Variants in PLD5 observed in about 807,000 individuals in gnomAD.
PLD5 encodes inactive phospholipase D5.
Under a neutral mutation model 61.1 loss-of-function variants are expected in PLD5, and 36 were observed. That is an observed-to-expected ratio of 0.59 (90% CI 0.45 to 0.78). PLD5 has a LOEUF of 0.78. Ranked by LOEUF, PLD5 falls within the 30% of genes least tolerant of loss-of-function variation. PLD5 has a pLI of 0.00. For missense variants in PLD5, 515 were observed against 644.4 expected, an observed-to-expected ratio of 0.80 and a Z score of 2.17; for synonymous variants, 243 against 242.8, an observed-to-expected ratio of 1.00 and a Z score of -0.01.
intron 2 of PLD5, among the ~76,000 whole-genome samples, chr1:242,301,765 C>CTATTATTATTATT (rs113800799): frequency 7.1e-6 from 1 of 141,034 alleles, no homozygotes; most frequent in African/African-American, 2.7e-5. Context: ...TTTTTTAAAA[C>CTATTATTATTATT]ATTATTATTA....
chr1:242,094,143 C>T (rs1335594565), intron 9 of PLD5, among the ~76,000 whole-genome samples: 1 of 151,618 alleles, frequency 6.6e-6, no homozygotes, highest in Non-Finnish European at 1.5e-5. Flanking sequence ...TTGAGACTAC[C>T]ACTGCAGCTT....
chr1:242,470,796 A>C (rs966518013), intron 1 of PLD5, among the ~76,000 whole-genome samples: 4 of 152,212 alleles, frequency 2.6e-5, no homozygotes. Flanking sequence ...AACGAGTAAA[A>C]ACTTATCTTC....
In PLD5 at chr1:242,167,106, TAA is replaced by T. The variant is rs1295721678; in HGVS notation, c.736-42443_736-42442del. On this transcript the variant is annotated intron_variant, in intron 5 of 9. Coordinates refer to ENST00000536534, the MANE Select transcript of PLD5 (RefSeq NM_001372062.1). ...ATAATAATAATAATAATAATAATAA[TAA>T]TAATAATAAATAGTAGCCATGTTGG... 1.9e-4 allele frequency among the ~76,000 whole-genome samples: 28 copies of T among 143,660 alleles called. No homozygotes were observed. In the South Asian group the frequency reaches 6.1e-3, roughly 32 times the overall value. 94.2% of individuals were successfully genotyped at this position (143,660 alleles called of 152,430 possible). A position where few individuals can be genotyped will look rare whatever the true frequency, so the allele number is the denominator to read the frequency against.
intron 5 of PLD5, among the ~76,000 whole-genome samples, chr1:242,209,540 G>C (rs1469127341): frequency 6.6e-6 from 1 of 152,098 alleles, no homozygotes; most frequent in African/African-American, 2.4e-5. Context: ...ATCTGTTATG[G>C]TGATCTGTGA....
intron 1 of PLD5, among the ~76,000 whole-genome samples, chr1:242,512,206 T>C (rs560932227): frequency 8.7e-5 from 13 of 150,242 alleles, no homozygotes; most frequent in Non-Finnish European, 1.6e-4. Context: ...GGTCAGGAGA[T>C]CGAGACCATC....
At chr1:242,484,644 G>T (rs921747022) in intron 1 of PLD5, among the ~76,000 whole-genome samples, 1 of 152,136 alleles carries the variant, frequency 6.6e-6, no homozygotes, top group African/African-American at 2.4e-5. Flanking sequence ...GGAGGAGCTG[G>T]TACCATTCCT....
upstream of PLD5, among the ~76,000 whole-genome samples, chr1:242,526,824 G>A (rs552849213): frequency 1.3e-5 from 2 of 149,704 alleles, no homozygotes; most frequent in African/African-American, 2.5e-5. Flanking sequence ...CAATTTAAAT[G>A]ACGACAAACA....
intron 1 of PLD5, among the ~76,000 whole-genome samples, chr1:242,425,491 CAGTG>C (rs1353932267): frequency 5.3e-5 from 8 of 152,208 alleles, no homozygotes; most frequent in Non-Finnish European, 1.2e-4. Context: ...CTGGGTGAGT[CAGTG>C]AGTGAGAGTG....
At chr1:242,425,639 CTTTT>C (rs35709516) in intron 1 of PLD5, among the ~76,000 whole-genome samples, 1 of 129,892 alleles carries the variant, frequency 7.7e-6, no homozygotes, top group African/African-American at 2.9e-5. Context: ...CTTACTGTAA[CTTTT>C]TTTTTTTTTT....
chr1:242,374,710 T>C lies in PLD5; in HGVS notation c.190-26468A>G, dbSNP rs1227293559. Among the ~76,000 whole-genome samples, 4 of 152,328 alleles carry C rather than the reference T, an allele frequency of 2.6e-5. No individual in the cohort carries two copies. In the East Asian group the frequency reaches 7.7e-4, roughly 29 times the overall value. On this transcript the variant is annotated intron_variant, in intron 1 of 9. Transcript: ENST00000536534. ...TTACACAGAGAGGCCAAGAAGAATC[T>C]AGACAGACAAGCCTTGCTGGGTTTC... is the stretch of plus-strand genomic sequence containing the variant.
intron 5 of PLD5, among the ~76,000 whole-genome samples, chr1:242,216,798 T>C (rs555699912): frequency 6.6e-6 from 1 of 152,322 alleles, no homozygotes; most frequent in East Asian, 1.9e-4. Context: ...CCACACACTT[T>C]CATAGCTAGA....
intron 1 of PLD5, among the ~76,000 whole-genome samples, chr1:242,434,341 G>C (rs1000047255): frequency 7.2e-5 from 11 of 152,226 alleles, no homozygotes; most frequent in Admixed American, 1.3e-4. Flanking sequence ...CTACTGAAAA[G>C]AGAGAGTTGT....
chr1:242,524,316 G>C lies in PLD5; in HGVS notation c.-40C>G, dbSNP rs1335573369. 1.5e-5 allele frequency: 21 copies of C among 1,367,818 alleles called. No individual in the cohort carries two copies. Among genetic ancestry groups the C allele is most frequent in the South Asian group, 1.7e-5 (1 of 58,160 alleles). The allele number at this position is 1,367,818 out of a possible 1,614,324, so 84.7% of individuals were successfully genotyped here. A position where few individuals can be genotyped will look rare whatever the true frequency, so the allele number is the denominator to read the frequency against. On this transcript the variant is annotated 5_prime_UTR_variant, in exon 1 of 10. Coordinates refer to ENST00000536534, the MANE Select transcript of PLD5 (RefSeq NM_001372062.1). ...GCGGCCGCCGGCGAGCAGCGGACTCGGGACGGGCGCGCGGGGAGCCGGGCG... is the reference window on the plus strand; with the variant it reads ...GCGGCCGCCGGCGAGCAGCGGACTCCGGACGGGCGCGCGGGGAGCCGGGCG...
At chr1:242,178,081 C>T (rs1667286532) in intron 5 of PLD5, among the ~76,000 whole-genome samples, 1 of 152,250 alleles carries the variant, frequency 6.6e-6, no homozygotes, top group South Asian at 2.1e-4. Flanking sequence ...ATTCCCTGAG[C>T]TATCCTTTGT....
chr1:242,426,072 T>G (rs1033698061), intron 1 of PLD5, among the ~76,000 whole-genome samples: 3 of 152,180 alleles, frequency 2.0e-5, no homozygotes, highest in African/African-American at 7.2e-5. Flanking sequence ...TGTATCCTAT[T>G]CTTTTTTCTA....
intron 1 of PLD5, among the ~76,000 whole-genome samples, chr1:242,391,262 G>A (rs2654862): frequency 0.56 from 85,339 of 152,054 alleles, 24,372 homozygotes; most frequent in Admixed American, 0.67. Flanking sequence ...CAAAAGCTAT[G>A]GAGGAGGGTC....
intron 1 of PLD5, among the ~76,000 whole-genome samples, chr1:242,498,180 GC>G (rs772930879): frequency 1.3e-5 from 2 of 152,156 alleles, no homozygotes; most frequent in African/African-American, 2.4e-5. Context: ...GATCAGGCTA[GC>G]CTCGAACTCC....
intron 4 of PLD5, among the ~76,000 whole-genome samples, chr1:242,234,643 T>C (rs1671519870): frequency 1.3e-5 from 2 of 151,840 alleles, no homozygotes; most frequent in Non-Finnish European, 2.9e-5. Context: ...CTGCTGGGAA[T>C]TTATTGACCC....
At chr1:242,450,516 T>C (rs1238801980) in intron 1 of PLD5, among the ~76,000 whole-genome samples, 1 of 152,192 alleles carries the variant, frequency 6.6e-6, no homozygotes, top group Non-Finnish European at 1.5e-5. Flanking sequence ...GTTCCTTTTT[T>C]TACTGCTTTT....
Sources: allele counts gnomAD v4.1 joint callset (sites outside exome capture counted in the v4.1 genomes callset), GRCh38; gene constraint gnomAD v4.1.1; transcripts MANE v1.5; gene names NCBI Gene and HGNC (gene_info 2026-07-23, HGNC 2026-07-21).